Variants in SCMH1 observed in about 807,000 individuals in gnomAD.
SCMH1 encodes the protein Scm polycomb group protein homolog 1.
In SCMH1, 37 loss-of-function variants were observed where a neutral mutation model predicts 70.8. The observed-to-expected ratio is 0.52, with a 90% CI of 0.40 to 0.69. The LOEUF is 0.69. Among genes scored for constraint, SCMH1 ranks in the 30% least tolerant of loss-of-function variants. The pLI is 0.00. For synonymous variants in SCMH1, 292 were observed against 307.4 expected (o/e 0.95, Z 0.52); for missense variants, 607 against 827.3 (o/e 0.73, Z 3.27).
chr1:41,123,931 A>G (rs540597794), intron 6 of SCMH1, among the ~76,000 whole-genome samples: 2 of 152,294 alleles, frequency 1.3e-5, no homozygotes, highest in South Asian at 4.1e-4. Flanking sequence ...CAGGAGAGCC[A>G]TTTTGCCATG....
chr1:41,164,810 C>T (rs1309732628), intron 2 of SCMH1, among the ~76,000 whole-genome samples: 1 of 151,944 alleles, frequency 6.6e-6, no homozygotes, highest in African/African-American at 2.4e-5. Context: ...TTTCAATATA[C>T]GTACACATTG....
chr1:41,115,186 C>A (rs998675787), intron 7 of SCMH1, among the ~76,000 whole-genome samples: 1 of 152,076 alleles, frequency 6.6e-6, no homozygotes, highest in African/African-American at 2.4e-5. Flanking sequence ...CCAACTTATT[C>A]GATACTGATT....
chr1:41,080,318 C>T (rs911417860), intron 8 of SCMH1, among the ~76,000 whole-genome samples: 18 of 151,950 alleles, frequency 1.2e-4, no homozygotes, highest in Non-Finnish European at 4.4e-5. Flanking sequence ...GAAATAATAA[C>T]AAATCTTGCA....
At chr1:41,216,767 G>T (rs372623852) in intron 1 of SCMH1, among the ~76,000 whole-genome samples, 1 of 152,172 alleles carries the variant, frequency 6.6e-6, no homozygotes, top group East Asian at 1.9e-4. Flanking sequence ...GTTTTGCACC[G>T]ATGACTATAG....
chr1:41,054,964 G>A (rs1314191943), intron 10 of SCMH1, among the ~76,000 whole-genome samples: 1 of 152,042 alleles, frequency 6.6e-6, no homozygotes, highest in Admixed American at 6.5e-5. Context: ...TTACTTTGTT[G>A]TAGAGACGGG....
At chr1:41,232,631 A>G (rs1470360127) in intron 1 of SCMH1, among the ~76,000 whole-genome samples, 1 of 152,208 alleles carries the variant, frequency 6.6e-6, no homozygotes, top group Non-Finnish European at 1.5e-5. Flanking sequence ...GCTATCTCTG[A>G]GTCTCAGTTT....
At chr1:41,105,361 A>G (rs1196960315) in intron 8 of SCMH1, among the ~76,000 whole-genome samples, 1 of 152,222 alleles carries the variant, frequency 6.6e-6, no homozygotes, top group African/African-American at 2.4e-5. Context: ...GCTTTAGATG[A>G]GGATCAACAG....
At chr1:41,199,849 T>C (rs1284439099) in intron 1 of SCMH1, among the ~76,000 whole-genome samples, 4 of 152,150 alleles carry the variant, frequency 2.6e-5, no homozygotes, top group African/African-American at 9.7e-5. Flanking sequence ...GTAACAAACC[T>C]GCACGTGTAC....
intron 2 of SCMH1, among the ~76,000 whole-genome samples, chr1:41,170,243 G>A (rs539300436): frequency 1.3e-5 from 2 of 152,318 alleles, no homozygotes; most frequent in East Asian, 3.9e-4. Context: ...AGACCATGAA[G>A]AATCTTAAGT....
chr1:41,075,325 C>T (rs375315298), exon 9 of SCMH1: 14 of 1,614,006 alleles, frequency 8.7e-6, no homozygotes, highest in Admixed American at 3.3e-5. Flanking sequence ...TGTCCGGCCC[C>T]GCTTCTTTCC....
intron 6 of SCMH1, among the ~76,000 whole-genome samples, chr1:41,134,694 T>C (rs1642986716): frequency 6.6e-6 from 1 of 152,204 alleles, no homozygotes; most frequent in African/African-American, 2.4e-5. Context: ...TGCTTTTTGG[T>C]CAGGTTTTTC....
intron 10 of SCMH1, among the ~76,000 whole-genome samples, chr1:41,058,907 A>G (rs1449315276): frequency 6.6e-6 from 1 of 152,180 alleles, no homozygotes; most frequent in Non-Finnish European, 1.5e-5. Context: ...AAGATATGAT[A>G]TTGACATTAT....
At chr1:41,203,350 A>G (rs1654790957) in intron 1 of SCMH1, among the ~76,000 whole-genome samples, 1 of 152,176 alleles carries the variant, frequency 6.6e-6, no homozygotes, top group Non-Finnish European at 1.5e-5. Context: ...TTAATTTTAA[A>G]TTTACTTAAA....
intron 2 of SCMH1, among the ~76,000 whole-genome samples, chr1:41,175,159 T>A (rs184509878): frequency 3.3e-5 from 5 of 152,346 alleles, no homozygotes; most frequent in African/African-American, 1.2e-4. Flanking sequence ...TTTGAATCAG[T>A]AGACTGAGTA....
intron 5 of SCMH1, among the ~76,000 whole-genome samples, chr1:41,145,062 G>A (rs542648802): frequency 7.2e-5 from 11 of 152,020 alleles, no homozygotes; most frequent in Non-Finnish European, 1.5e-4. Flanking sequence ...TCCTGATGGT[G>A]TGGAAACAAA....
At position 41,152,731 on chromosome 1, in the gene SCMH1, A is replaced by C; in HGVS notation, c.107-1047T>G. 2.5e-6 allele frequency: 4 copies of C among 1,609,258 alleles called. No individual in the cohort carries two copies. In the South Asian group the frequency reaches 3.3e-5, roughly 13 times the overall value. On this transcript the variant is annotated intron_variant, in intron 4 of 14. Transcript: ENST00000337495. Reference sequence around the variant, plus strand: ...CAGAGCCCCTTTGGGCCATGCAAAAAGCACTAGATGCTGGGAATAAAAATG... The same window carrying C: ...CAGAGCCCCTTTGGGCCATGCAAAACGCACTAGATGCTGGGAATAAAAATG...
chr1:41,160,952 T>TCC, intron 3 of SCMH1, 54 bp from the exon 4 acceptor site: 1 of 1,482,628 alleles, frequency 6.7e-7, no homozygotes, highest in Non-Finnish European at 9.2e-7. Flanking sequence ...CATACCAACA[T>TCC]GATGGAAGGT....
At chr1:41,078,036 GTAGA>G (rs1658894504) in intron 8 of SCMH1, among the ~76,000 whole-genome samples, 1 of 151,888 alleles carries the variant, frequency 6.6e-6, no homozygotes, top group African/African-American at 2.4e-5. Context: ...ATAAGAAAAG[GTAGA>G]TAGTACCCAC....
intron 9 of SCMH1, among the ~76,000 whole-genome samples, chr1:41,072,279 C>T (rs776704810): frequency 3.9e-5 from 6 of 152,330 alleles, no homozygotes; most frequent in Non-Finnish European, 7.4e-5. Context: ...GGAAATACCA[C>T]TTCAACTTCA....
Sources: gnomAD v4.1 joint callset for allele counts (sites outside exome capture counted in the v4.1 genomes callset) on GRCh38, gnomAD v4.1.1 for gene constraint, MANE v1.5 for transcripts, NCBI Gene and HGNC (gene_info 2026-07-23, HGNC 2026-07-21) for gene names.